The following MLF2 variants were observed in gnomAD, a reference collection of about 807,000 sequenced individuals.
MLF2 encodes myelodysplasia-myeloid leukemia factor 2.
MLF2 carries 12 observed loss-of-function variants against 31.4 expected under a neutral mutation model. The observed-to-expected ratio is 0.38, with a 90% CI of 0.24 to 0.62. The LOEUF is 0.62. Among genes scored for constraint, MLF2 ranks in the 20% least tolerant of loss-of-function variants. The pLI is 0.58. For synonymous variants in MLF2, 109 were observed against 118.8 expected, an observed-to-expected ratio of 0.92 and a Z score of 0.54; for missense variants, 272 against 359.7, an observed-to-expected ratio of 0.76 and a Z score of 1.97.
In MLF2 at chr12:6,748,856, C is replaced by T. The variant is rs921302033; in HGVS notation, c.686G>A (p.Arg229His). 1.7e-5 allele frequency: 27 copies of T among 1,585,646 alleles called. No homozygotes were observed. Among genetic ancestry groups the T allele is most frequent in the Middle Eastern group, 3.5e-4 (2 of 5,778 alleles). ...GTCCTCAGGTCCCTGGATGGCCAGG[C>T]GGGGAGGCCCCTCCGCCCTTCGTCC... ...AGGRRAEGPPRLAIQGPEDSP... is the reference protein window; with the variant it reads ...AGGRRAEGPPHLAIQGPEDSP... Residue 229 changes from arginine to histidine, a missense_variant, in exon 8 of 9, where the codon CGC becomes CAC. Arg to His is a conservative substitution (Grantham distance 29, BLOSUM62 0). Coordinates refer to ENST00000203630, the MANE Select transcript of MLF2 (RefSeq NM_001382226.1). This position sits in a 1 kb window ranked among gnomAD's most constrained non-coding sequence, Gnocchi z 4.6.
Position 6,751,824 on chromosome 12 carries a change from C to T in MLF2, c.180+101G>A, listed in dbSNP as rs147046016. 6.2e-4 allele frequency: 981 copies of T among 1,573,504 alleles called. 6 individuals are homozygous for T. The African/African-American group carries it at 0.012, about 20-fold the overall frequency. On this transcript the variant is annotated intron_variant, in intron 3 of 8. Coordinates refer to ENST00000203630, the MANE Select transcript of MLF2 (RefSeq NM_001382226.1). Reference sequence around the variant, plus strand: ...CTGACCCTTTCCCCAACTCCTAGAGCATTTCACTTGCTCAGTTGGCTGTAG... The same window carrying T: ...CTGACCCTTTCCCCAACTCCTAGAGTATTTCACTTGCTCAGTTGGCTGTAG...
chr12:6,749,747 G>T lies in MLF2; in HGVS notation c.559+101C>A. The T allele has an allele frequency of 6.9e-7, 1 of 1,456,494 alleles. No individual in the cohort carries two copies. Among genetic ancestry groups the T allele is most frequent in the Non-Finnish European group, 9.4e-7 (1 of 1,067,878 alleles). 90.2% of individuals were successfully genotyped at this position (1,456,494 alleles called of 1,614,324 possible). A position where few individuals can be genotyped will look rare whatever the true frequency, so the allele number is the denominator to read the frequency against. ...TCAAAAAAAAAAAAAAAGGAATATGGGGCTGACCCAGAGCTTTGCCCCAGA... is the reference window on the plus strand; with the variant it reads ...TCAAAAAAAAAAAAAAAGGAATATGTGGCTGACCCAGAGCTTTGCCCCAGA... On this transcript the variant is annotated intron_variant, in intron 7 of 8. Transcript: ENST00000203630. This position sits in a 1 kb window ranked among gnomAD's most constrained non-coding sequence, Gnocchi z 5.3.
chr12:6,751,724 T>C lies in MLF2; in HGVS notation c.181-48A>G, dbSNP rs765834577. ...GAAATTAGAGACCACATCCTATCTC[T>C]TTACAATCCCAAACCAGGCCCATGG... On this transcript the variant is annotated intron_variant, in intron 3 of 8. Coordinates refer to ENST00000203630, the MANE Select transcript of MLF2 (RefSeq NM_001382226.1). 1.5e-5 allele frequency: 24 copies of C among 1,609,136 alleles called. No homozygotes were observed. In the Admixed American group the frequency reaches 3.7e-4, roughly 25 times the overall value.
chr12:6,750,964 T>C lies in MLF2; in HGVS notation c.217-198A>G. The C allele has an allele frequency of 1.7e-6, 1 of 578,376 alleles. No individual in the cohort carries two copies. The highest frequency in any genetic ancestry group is 3.1e-6 in the Non-Finnish European group (1 of 318,120). 35.8% of individuals were successfully genotyped at this position (578,376 alleles called of 1,614,324 possible). On this transcript the variant is annotated intron_variant, in intron 4 of 8. Transcript: ENST00000203630. The surrounding 1 kb of genome is among the most constrained non-coding windows in gnomAD (Gnocchi z 5.3). ...CTCCTGTGAACTGCTGACCCCTTCC[T>C]CAGTCTCTGTGACTGCTGTGATCCA...
rs1941632655 is a variant in MLF2, at chr12:6,752,579, C to A, written c.-28-217G>T. 6.2e-6 allele frequency: 3 copies of A among 482,630 alleles called. No individual in the cohort carries two copies. Among genetic ancestry groups the A allele is most frequent in the Admixed American group, 6.9e-5 (2 of 28,898 alleles). 29.9% of individuals were successfully genotyped at this position (482,630 alleles called of 1,614,324 possible). A position where few individuals can be genotyped will look rare whatever the true frequency, so the allele number is the denominator to read the frequency against. ...AGGGCCATGGAAAATTTTTCCAACC[C>A]TCTCGGTTTTTCCCTCCCCCACTCA... On this transcript the variant is annotated intron_variant, in intron 1 of 8. Coordinates refer to ENST00000203630, the MANE Select transcript of MLF2 (RefSeq NM_001382226.1). This position sits in a 1 kb window ranked among gnomAD's most constrained non-coding sequence, Gnocchi z 4.6.
chr12:6,749,721 C>G lies in MLF2; in HGVS notation c.559+127G>C, dbSNP rs1941581900. 5 of 1,123,422 alleles carry G rather than the reference C, an allele frequency of 4.5e-6. No individual in the cohort carries two copies. Among genetic ancestry groups the G allele is most frequent in the Non-Finnish European group, 6.3e-6 (5 of 796,808 alleles). The allele number at this position is 1,123,422 out of a possible 1,614,324, so 69.6% of individuals were successfully genotyped here. A position where few individuals can be genotyped will look rare whatever the true frequency, so the allele number is the denominator to read the frequency against. ...CTGGGCAACAAGAGCGAGACTCCATCTCAAAAAAAAAAAAAAAGGAATATG... is the reference window on the plus strand; with the variant it reads ...CTGGGCAACAAGAGCGAGACTCCATGTCAAAAAAAAAAAAAAAGGAATATG... On this transcript the variant is annotated intron_variant, in intron 7 of 8. Transcript: ENST00000203630. This position sits in a 1 kb window ranked among gnomAD's most constrained non-coding sequence, Gnocchi z 5.3.
rs775974163 is a variant in MLF2, at chr12:6,750,044, C to G, written c.400-37G>C. 3 of 1,613,182 alleles carry G rather than the reference C, an allele frequency of 1.9e-6. No homozygotes were observed. Among genetic ancestry groups the G allele is most frequent in the Non-Finnish European group, 2.5e-6 (3 of 1,179,342 alleles). ...CAGAACGTGGCACACTCAGCCGCCC[C>G]TTCCAAAGCCCTGCCTATACCATCT... On this transcript the variant is annotated intron_variant, in intron 6 of 8. Transcript: ENST00000203630. The surrounding 1 kb of genome is among the most constrained non-coding windows in gnomAD (Gnocchi z 5.3).
chr12:6,752,612 C>T lies in MLF2; in HGVS notation c.-28-250G>A. The T allele has an allele frequency of 2.4e-6, 1 of 412,084 alleles. No individual in the cohort carries two copies. Among genetic ancestry groups the T allele is most frequent in the Non-Finnish European group, 4.5e-6 (1 of 224,294 alleles). 25.5% of individuals were successfully genotyped at this position (412,084 alleles called of 1,614,324 possible). ...TTTTCCCTCCCCCACTCAGAGCCAT[C>T]CTCTTCCCAAAGCTCTGGCCGGTAG... On this transcript the variant is annotated intron_variant, in intron 1 of 8. Transcript: ENST00000203630. The surrounding 1 kb of genome is among the most constrained non-coding windows in gnomAD (Gnocchi z 4.6).
Position 6,749,692 on chromosome 12 carries a change from G to C in MLF2, c.559+156C>G. On this transcript the variant is annotated intron_variant, in intron 7 of 8. Transcript: ENST00000203630. This position sits in a 1 kb window ranked among gnomAD's most constrained non-coding sequence, Gnocchi z 5.3. ...ATCGCGCCACTGCACTCCAGCCTGG[G>C]CACCTGGGCAACAAGAGCGAGACTC... 1 of 1,041,558 alleles carries C rather than the reference G, an allele frequency of 9.6e-7. No individual in the cohort carries two copies. The highest frequency in any genetic ancestry group is 1.4e-6 in the Non-Finnish European group (1 of 721,088). 64.5% of individuals were successfully genotyped at this position (1,041,558 alleles called of 1,614,324 possible).
rs370370549 is a variant in MLF2, at chr12:6,750,686, C to T, written c.270+27G>A. The T allele has an allele frequency of 5.8e-5, 93 of 1,611,586 alleles. No individual in the cohort carries two copies. Among genetic ancestry groups the T allele is most frequent in the Non-Finnish European group, 6.6e-5 (78 of 1,177,916 alleles). ...TGTCAGCCATCACTGAGAGCAAGGCCGGGGAAGGGTATGGGGCAAGTCTCA... is the reference window on the plus strand; with the variant it reads ...TGTCAGCCATCACTGAGAGCAAGGCTGGGGAAGGGTATGGGGCAAGTCTCA... On this transcript the variant is annotated intron_variant, in intron 5 of 8. Transcript: ENST00000203630. The surrounding 1 kb of genome is among the most constrained non-coding windows in gnomAD (Gnocchi z 5.3).
chr12:6,751,871 CCTAA>C lies in MLF2; in HGVS notation c.180+50_180+53del, dbSNP rs1941620105. 2.5e-6 allele frequency: 4 copies of C among 1,607,186 alleles called. No individual in the cohort carries two copies. The Admixed American group carries it at 5.0e-5, about 20-fold the overall frequency. On this transcript the variant is annotated intron_variant, in intron 3 of 8. Coordinates refer to ENST00000203630, the MANE Select transcript of MLF2 (RefSeq NM_001382226.1). Reference sequence around the variant, plus strand: ...GTAGTGCAAGAAAATTAAGTGCTTTCCTAACTAACCTCCAACCTTTCTTTGGGTC... The same window carrying C: ...GTAGTGCAAGAAAATTAAGTGCTTTCCTAACCTCCAACCTTTCTTTGGGTC...
In MLF2 at chr12:6,751,986, A is replaced by C; in HGVS notation, c.119T>G (p.Phe40Cys). 6.2e-7 allele frequency: 1 copy of C among 1,614,204 alleles called. No individual in the cohort carries two copies. The highest frequency in any genetic ancestry group is 8.5e-7 in the Non-Finnish European group (1 of 1,180,038). The part of the protein sequence containing the change: ...MLSGGFGYSP[F>C]LSITDGNMPG... Reference sequence around the variant, plus strand: ...CATGTTGCCATCTGTGATGCTGAGGAAGGGGCTATATCCAAAGCCACCTGA... The same window carrying C: ...CATGTTGCCATCTGTGATGCTGAGGCAGGGGCTATATCCAAAGCCACCTGA... Residue 40 changes from phenylalanine (F) to cysteine (C), a missense_variant, in exon 3 of 9, where the codon TTC (phenylalanine) becomes TGC (cysteine). Physicochemically the swap from Phe to Cys is radical, Grantham distance 205 (BLOSUM62 -2). Coordinates refer to ENST00000203630, the MANE Select transcript of MLF2 (RefSeq NM_001382226.1).
In MLF2 at chr12:6,749,103, G is replaced by A; in HGVS notation, c.560-121C>T. 1 of 1,090,132 alleles carries A rather than the reference G, an allele frequency of 9.2e-7. No individual in the cohort carries two copies. The highest frequency in any genetic ancestry group is 1.7e-5 in the South Asian group (1 of 58,966). The allele number at this position is 1,090,132 out of a possible 1,614,324, so 67.5% of individuals were successfully genotyped here. A position where few individuals can be genotyped will look rare whatever the true frequency, so the allele number is the denominator to read the frequency against. ...AGGCTGAGTGTGCGTGCAGGGATGG[G>A]TGGGGTGGCAATTCCCTTAGCTCTT... On this transcript the variant is annotated intron_variant, in intron 7 of 8. Coordinates refer to ENST00000203630, the MANE Select transcript of MLF2 (RefSeq NM_001382226.1). This position sits in a 1 kb window ranked among gnomAD's most constrained non-coding sequence, Gnocchi z 5.3.
chr12:6,749,738 A>T lies in MLF2; in HGVS notation c.559+110T>A. 1.9e-5 allele frequency: 25 copies of T among 1,326,984 alleles called. No homozygotes were observed. Among genetic ancestry groups the T allele is most frequent in the Middle Eastern group, 2.8e-4 (1 of 3,608 alleles). 82.2% of individuals were successfully genotyped at this position (1,326,984 alleles called of 1,614,324 possible). ...GACTCCATCTCAAAAAAAAAAAAAA[A>T]GGAATATGGGGCTGACCCAGAGCTT... On this transcript the variant is annotated intron_variant, in intron 7 of 8. Coordinates refer to ENST00000203630, the MANE Select transcript of MLF2 (RefSeq NM_001382226.1). This position sits in a 1 kb window ranked among gnomAD's most constrained non-coding sequence, Gnocchi z 5.3.
In MLF2 at chr12:6,749,394, A is replaced by G. The variant is rs1941575350; in HGVS notation, c.560-412T>C. ...CCAGCACCTGACTCCGCCCGAGCGG[A>G]GGAGGCTCCAAGTGCGGTAAGAATA... is the stretch of plus-strand genomic sequence containing the variant. On this transcript the variant is annotated intron_variant, in intron 7 of 8. Coordinates refer to ENST00000203630, the MANE Select transcript of MLF2 (RefSeq NM_001382226.1). The surrounding 1 kb of genome is among the most constrained non-coding windows in gnomAD (Gnocchi z 5.3). Among the ~76,000 whole-genome samples the G allele has an allele frequency of 6.6e-6, 1 of 152,352 alleles. No homozygotes were observed. Among genetic ancestry groups the G allele is most frequent in the African/African-American group, 2.4e-5 (1 of 41,590 alleles).
rs1319762829 is a variant in MLF2, at chr12:6,749,594, A to G, written c.559+254T>C. Among the ~76,000 whole-genome samples the G allele has an allele frequency of 2.0e-5, 3 of 152,230 alleles. No homozygotes were observed. Among genetic ancestry groups the G allele is most frequent in the Non-Finnish European group, 4.4e-5 (3 of 68,040 alleles). On this transcript the variant is annotated intron_variant, in intron 7 of 8. Coordinates refer to ENST00000203630, the MANE Select transcript of MLF2 (RefSeq NM_001382226.1). This position sits in a 1 kb window ranked among gnomAD's most constrained non-coding sequence, Gnocchi z 5.3. ...GCTGGGCGTGGTGGCACATGCCTGT[A>G]GTTCCAGCTACACGGGAGGCTGAGG...
At chr12:6,751,878 A>G (rs754196130) in intron 3 of MLF2, 47 bp downstream of exon 3, 4 of 1,608,684 alleles carry the variant, frequency 2.5e-6, no homozygotes, top group Non-Finnish European at 3.4e-6. Context: ...TTTCCTAACT[A>G]ACCTCCAACC....
In MLF2 at chr12:6,748,095, T is replaced by G. The variant is rs1478174679; in HGVS notation, c.*478A>C. The G allele has an allele frequency of 7.2e-5, 11 of 151,944 alleles. No individual in the cohort carries two copies. The allele number at this position is 151,944 out of a possible 1,614,324, so 9.4% of individuals were successfully genotyped here. ...GGGTGTAGGGAAGATTCTTTTGATG[T>G]GTGTGGGCAGGAGGAGGGAGAGAGT... On this transcript the variant is annotated 3_prime_UTR_variant, in exon 9 of 9. Transcript: ENST00000203630. The surrounding 1 kb of genome is among the most constrained non-coding windows in gnomAD (Gnocchi z 4.6).
chr12:6,748,628 C>T lies in MLF2; in HGVS notation c.*26-81G>A. 2 of 663,682 alleles carry T rather than the reference C, an allele frequency of 3.0e-6. No individual in the cohort carries two copies. The highest frequency in any genetic ancestry group is 4.9e-6 in the Non-Finnish European group (2 of 406,786). 41.1% of individuals were successfully genotyped at this position (663,682 alleles called of 1,614,324 possible). On this transcript the variant is annotated intron_variant, in intron 8 of 8. Transcript: ENST00000203630. This position sits in a 1 kb window ranked among gnomAD's most constrained non-coding sequence, Gnocchi z 4.6. ...AGAGCCAGGAGTTGGGGTTTAATCC[C>T]CTATGTCAGTGAGAACATTGTTCTC...
Sources: gnomAD v4.1 joint callset for allele counts (sites outside exome capture counted in the v4.1 genomes callset) on GRCh38, gnomAD v4.1.1 for gene constraint, Gnocchi (gnomAD v3.1) non-coding constraint, MANE v1.5 for transcripts, NCBI Gene and HGNC (gene_info 2026-07-23, HGNC 2026-07-21) for gene names.